INPP5A: variants seen among roughly 807,000 people sequenced by gnomAD.
INPP5A encodes inositol polyphosphate-5-phosphatase A.
INPP5A carries 14 observed loss-of-function variants against 65.2 expected under a neutral mutation model. That is an observed-to-expected ratio of 0.21 (90% CI 0.14 to 0.34). The LOEUF (loss-of-function observed/expected upper bound fraction) is 0.34, where lower values mean the gene tolerates loss of function less well. Ranked by LOEUF, INPP5A falls within the 10% of genes least tolerant of loss-of-function variation. The pLI, the probability that INPP5A is intolerant of heterozygous loss-of-function variation, is 1.00. For missense variants in INPP5A, 431 were observed against 545.6 expected (o/e 0.79, Z 2.09); for synonymous variants, 207 against 208.3 (o/e 0.99, Z 0.05).
At chr10:132,601,768 G>A (rs1217289590) in intron 1 of INPP5A, among the ~76,000 whole-genome samples, 1 of 152,154 alleles carries the variant, frequency 6.6e-6, no homozygotes, top group Non-Finnish European at 1.5e-5. Flanking sequence ...AATGGTCTTG[G>A]CACCACTGTC....
chr10:132,749,973 G>T lies in INPP5A; in HGVS notation c.903+128G>T, dbSNP rs1015360435. The T allele has an allele frequency of 1.9e-5, 16 of 860,464 alleles. No homozygotes were observed. In the Middle Eastern group the frequency reaches 1.1e-3, roughly 57 times the overall value. The allele number at this position is 860,464 out of a possible 1,614,324, so 53.3% of individuals were successfully genotyped here. ...TGCCACCTCCAGGACTCAGTTCTGA[G>T]CCAGTGCAAGTCAGACTGCTGGGGA... On this transcript the variant is annotated intron_variant, in intron 11 of 15. Transcript: ENST00000368594.
At chr10:132,711,421 G>T (rs926454707) in intron 8 of INPP5A, among the ~76,000 whole-genome samples, 1 of 152,158 alleles carries the variant, frequency 6.6e-6, no homozygotes, top group Admixed American at 6.5e-5. Context: ...AACCTTTCCC[G>T]CCAGCATCCC....
intron 13 of INPP5A, among the ~76,000 whole-genome samples, chr10:132,779,210 G>A (rs564448881): frequency 8.5e-5 from 13 of 152,364 alleles, no homozygotes; most frequent in African/African-American, 2.6e-4. Context: ...GAGTGGGCTC[G>A]GCCTGGAGCC....
In INPP5A at chr10:132,549,405, G is replaced by T. The variant is rs1322503608; in HGVS notation, c.75+11234G>T. On this transcript the variant is annotated intron_variant, in intron 1 of 15. Transcript: ENST00000368594. The surrounding 1 kb of genome is among the most constrained non-coding windows in gnomAD (Gnocchi z 4.9). The stretch of plus-strand genomic sequence containing the variant: ...GGCATTTGTCTTTTTAATTATGGCT[G>T]TGTGGTGGCATCTTGCGGTTTAACT... Among the ~76,000 whole-genome samples the T allele has an allele frequency of 6.6e-6, 1 of 152,214 alleles. No homozygotes were observed. The highest frequency in any genetic ancestry group is 1.5e-5 in the Non-Finnish European group (1 of 68,048).
Position 132,550,761 on chromosome 10 carries a change from G to A in INPP5A, c.75+12590G>A, listed in dbSNP as rs1208652760. Among the ~76,000 whole-genome samples, 1 of 152,236 alleles carries A rather than the reference G, an allele frequency of 6.6e-6. No homozygotes were observed. Among genetic ancestry groups the A allele is most frequent in the Non-Finnish European group, 1.5e-5 (1 of 68,038 alleles). On this transcript the variant is annotated intron_variant, in intron 1 of 15. Transcript: ENST00000368594. The surrounding 1 kb of genome is among the most constrained non-coding windows in gnomAD (Gnocchi z 4.2). ...ATGGAAGACGGTGGAGGTGGCAGCCGCCAGAGTGTGAGGGGCCATGGTCGC... is the reference window on the plus strand; with the variant it reads ...ATGGAAGACGGTGGAGGTGGCAGCCACCAGAGTGTGAGGGGCCATGGTCGC...
intron 8 of INPP5A, among the ~76,000 whole-genome samples, 173 bp from the exon 9 acceptor site, chr10:132,726,648 G>T (rs1204531019): frequency 6.6e-6 from 1 of 152,172 alleles, no homozygotes; most frequent in African/African-American, 2.4e-5. Flanking sequence ...CTCTATTGGG[G>T]GTGGTCTCAG....
chr10:132,756,614 CAG>C (rs1171496524), intron 11 of INPP5A, among the ~76,000 whole-genome samples: 1 of 152,238 alleles, frequency 6.6e-6, no homozygotes, highest in African/African-American at 2.4e-5. Context: ...CTGGCACACT[CAG>C]GGATGCGCAG....
intron 2 of INPP5A, among the ~76,000 whole-genome samples, chr10:132,628,199 G>T (rs1419296257): frequency 1.3e-5 from 2 of 152,214 alleles, no homozygotes. Context: ...ATTCCTACCA[G>T]CTCAGTAAGG....
rs199834743 is a variant in INPP5A at position 132,607,999 on chromosome 10, C to G, written c.117+43C>G. The G allele has an allele frequency of 3.8e-6, 6 of 1,581,656 alleles. No homozygotes were observed. The East Asian group carries it at 6.7e-5, about 18-fold the overall frequency. On this transcript the variant is annotated intron_variant, in intron 2 of 15. Coordinates refer to ENST00000368594, the MANE Select transcript of INPP5A (RefSeq NM_005539.5). ...GTGTTCTTTTGGATTCATTACTTAGCCAATAAGGTGCCTTTTTGCTTTGGC... is the reference window on the plus strand; with the variant it reads ...GTGTTCTTTTGGATTCATTACTTAGGCAATAAGGTGCCTTTTTGCTTTGGC...
intron 4 of INPP5A, among the ~76,000 whole-genome samples, chr10:132,653,577 G>A (rs886628113): frequency 1.6e-4 from 25 of 152,302 alleles, no homozygotes; most frequent in African/African-American, 6.0e-4. Flanking sequence ...GAAAGACCTT[G>A]CCCCTGCCTC....
chr10:132,763,308 C>T (rs766794244), intron 11 of INPP5A, among the ~76,000 whole-genome samples: 7 of 152,212 alleles, frequency 4.6e-5, no homozygotes, highest in East Asian at 3.8e-4. Flanking sequence ...TGGCACCTAG[C>T]GCTGGCAGCC....
At chr10:132,573,178 T>C (rs1297929412) in intron 1 of INPP5A, among the ~76,000 whole-genome samples, 1 of 135,288 alleles carries the variant, frequency 7.4e-6, no homozygotes, top group Non-Finnish European at 1.6e-5. Context: ...TGTTGCGATG[T>C]TGGGGTGTAC....
At chr10:132,737,747 C>T (rs1219472416) in intron 9 of INPP5A, among the ~76,000 whole-genome samples, 2 of 152,222 alleles carry the variant, frequency 1.3e-5, no homozygotes. Flanking sequence ...TGTAAAATAG[C>T]AATGGCAACA....
At chr10:132,723,587 GTGTGGGGATTGGTTT>G (rs1194091591) in intron 8 of INPP5A, among the ~76,000 whole-genome samples, 65 of 90,012 alleles carry the variant, frequency 7.2e-4, no homozygotes, top group East Asian at 3.9e-3. Context: ...GGGATTGGCC[GTGTGGGGATTGGTTT>G]TGTGGGGATT....
At chr10:132,570,089 C>T (rs1057415782) in intron 1 of INPP5A, among the ~76,000 whole-genome samples, 13 of 150,900 alleles carry the variant, frequency 8.6e-5, no homozygotes, top group African/African-American at 2.4e-4. Context: ...CGTGAGCCAC[C>T]GCGCTGGGCC....
At chr10:132,684,401 A>G (rs1018969818) in intron 4 of INPP5A, among the ~76,000 whole-genome samples, 4 of 152,084 alleles carry the variant, frequency 2.6e-5, no homozygotes, top group African/African-American at 7.2e-5. Flanking sequence ...GTATGCATGT[A>G]TGTGTGTGTA....
At position 132,707,801 on chromosome 10, in the gene INPP5A, G is replaced by C. The variant is rs999573155; in HGVS notation, c.475-512G>C. Reference sequence around the variant, plus strand: ...AGTGAGAGGCATCGGTGGGTGAGAGGCATCGGTGGGTGAACGGCATCGGTG... The same window carrying C: ...AGTGAGAGGCATCGGTGGGTGAGAGCCATCGGTGGGTGAACGGCATCGGTG... On this transcript the variant is annotated intron_variant, in intron 6 of 15. Transcript: ENST00000368594. This position sits in a 1 kb window ranked among gnomAD's most constrained non-coding sequence, Gnocchi z 5.5. Among the ~76,000 whole-genome samples, 19 of 152,110 alleles carry C rather than the reference G, an allele frequency of 1.2e-4. No individual in the cohort carries two copies. The highest frequency in any genetic ancestry group is 9.8e-4 in the Admixed American group (15 of 15,256).
chr10:132,544,741 C>T (rs575045857), intron 1 of INPP5A, among the ~76,000 whole-genome samples: 1 of 152,190 alleles, frequency 6.6e-6, no homozygotes, highest in African/African-American at 2.4e-5. Flanking sequence ...TCTGCATGCC[C>T]CTCTCCCTCC....
In INPP5A at chr10:132,603,803, G is replaced by A. The variant is rs1008535595; in HGVS notation, c.76-4112G>A. On this transcript the variant is annotated intron_variant, in intron 1 of 15. Transcript: ENST00000368594. This position sits in a 1 kb window ranked among gnomAD's most constrained non-coding sequence, Gnocchi z 4.2. ...CTCTGTTCCACCTTTCCCTGCCTCC[G>A]TTTTCAGCCCTTGGTTCTGTACTGT... is the stretch of plus-strand genomic sequence containing the variant. Among the ~76,000 whole-genome samples the A allele has an allele frequency of 2.6e-5, 4 of 152,222 alleles. No homozygotes were observed. Among genetic ancestry groups the A allele is most frequent in the East Asian group, 1.9e-4 (1 of 5,168 alleles).
Sources: allele counts gnomAD v4.1 joint callset (sites outside exome capture counted in the v4.1 genomes callset), GRCh38; gene constraint gnomAD v4.1.1; non-coding constraint Gnocchi (gnomAD v3.1); transcripts MANE v1.5; gene names NCBI Gene and HGNC (gene_info 2026-07-23, HGNC 2026-07-21).